Variants in ABR observed in about 807,000 individuals in gnomAD.
ABR encodes ABR activator of RhoGEF and GTPase, also known as active breakpoint cluster region-related protein.
In ABR, 35 loss-of-function variants were observed where a neutral mutation model predicts 107.2. The ratio of observed to expected loss-of-function variants is 0.33; its 90% CI spans 0.25 to 0.43. ABR has a LOEUF of 0.43. ABR is among the 20% of genes least tolerant of loss of function. ABR has a pLI of 1.00. For synonymous variants in ABR, 498 were observed against 462.0 expected (o/e 1.08, Z -1.00); for missense variants, 815 against 1,115.2 (o/e 0.73, Z 3.83).
chr17:1,125,341 C>A lies in ABR; in HGVS notation c.88G>T (p.Asp30Tyr). 1.2e-6 allele frequency: 2 copies of A among 1,613,878 alleles called. No individual in the cohort carries two copies. The highest frequency in any genetic ancestry group is 1.7e-6 in the Non-Finnish European group (2 of 1,179,984). The change falls in exon 2 of 23, where the codon GAC (aspartate) becomes TAC (tyrosine). Residue 30 changes from aspartate to tyrosine, a missense_variant. Around this residue, in one of 5 missense-constraint regions of ABR, gnomAD observed 129 missense variants for 124.8 expected, o/e 1.03. Transcript: ENST00000302538. ...SNFSYGTDEY[D>Y]GEGNEEQKGP... The stretch of plus-strand genomic sequence containing the variant: ...TTCTGCTCCTCATTCCCCTCTCCGT[C>A]GTACTCGTCCGTCCCGTAGCTGAAG...
In ABR at chr17:1,023,037, GCCTCTGCCTGCC is replaced by G. The variant is rs1182908595; in HGVS notation, c.1792-9885_1792-9874del. On this transcript the variant is annotated intron_variant, in intron 16 of 22. Transcript: ENST00000302538. ...CTGCCGGCCCCACGTCCACTGCAGAGCCTCTGCCTGCCCCACGTCCGCTCCAGCGCCTCTGCC... is the reference window on the plus strand; with the variant it reads ...CTGCCGGCCCCACGTCCACTGCAGAGCCACGTCCGCTCCAGCGCCTCTGCC... 6.5e-4 allele frequency among the ~76,000 whole-genome samples: 92 copies of G among 141,852 alleles called. 1 individual carries two copies. The highest frequency in any genetic ancestry group is 2.4e-3 in the African/African-American group (86 of 35,774). 93.1% of individuals were successfully genotyped at this position (141,852 alleles called of 152,430 possible). A position where few individuals can be genotyped will look rare whatever the true frequency, so the allele number is the denominator to read the frequency against.
intron 1 of ABR, chr17:1,228,107 T>C (rs886090014): frequency 2.0e-5 from 3 of 152,222 alleles, no homozygotes; most frequent in African/African-American, 7.2e-5. Context: ...GGACTAGACA[T>C]GGTCTCTGGG....
chr17:1,061,738 G>T (rs1300456389), intron 10 of ABR, among the ~76,000 whole-genome samples: 4 of 151,978 alleles, frequency 2.6e-5, no homozygotes, highest in African/African-American at 7.3e-5. Context: ...ATAGAGACGG[G>T]GCTTCATGAT....
chr17:1,209,931 C>T (rs1255141923), intron 1 of ABR, among the ~76,000 whole-genome samples: 1 of 152,142 alleles, frequency 6.6e-6, no homozygotes, highest in Non-Finnish European at 1.5e-5. Context: ...AGCAAATTTA[C>T]GAATCACAAC....
chr17:1,180,310 G>T (rs1390965335), upstream of ABR, among the ~76,000 whole-genome samples: 2 of 151,950 alleles, frequency 1.3e-5, no homozygotes, highest in Non-Finnish European at 2.9e-5. Context: ...ATCACCTCCC[G>T]CCCGGGATCT....
intron 1 of ABR, among the ~76,000 whole-genome samples, chr17:1,201,577 G>T (rs190665691): frequency 2.6e-5 from 4 of 152,152 alleles, no homozygotes; most frequent in Admixed American, 2.6e-4. Flanking sequence ...CGGCAACCCC[G>T]ATATTGTGCG....
chr17:1,144,974 T>C (rs1156925841), intron 1 of ABR, among the ~76,000 whole-genome samples: 3 of 151,780 alleles, frequency 2.0e-5, no homozygotes, highest in Non-Finnish European at 2.9e-5. Flanking sequence ...GGCCAGATGG[T>C]GCCACGGCAC....
chr17:1,070,691 T>G lies in ABR; in HGVS notation c.895-601A>C, dbSNP rs901306371. On this transcript the variant is annotated intron_variant, in intron 8 of 22. Transcript: ENST00000302538. The surrounding 1 kb of genome is among the most constrained non-coding windows in gnomAD (Gnocchi z 4.2). ...ACTGCAGCAGTGCCCAGAGGGGACC[T>G]GCAGCCAACTCTAACCTGGGCTCTG... Among the ~76,000 whole-genome samples, 1 of 151,982 alleles carries G rather than the reference T, an allele frequency of 6.6e-6. No homozygotes were observed. The highest frequency in any genetic ancestry group is 6.6e-5 in the Admixed American group (1 of 15,262).
intron 16 of ABR, among the ~76,000 whole-genome samples, chr17:1,030,965 G>C (rs2072682777): frequency 6.6e-6 from 1 of 152,220 alleles, no homozygotes; most frequent in South Asian, 2.1e-4. Context: ...CTGCCCAGCT[G>C]CAGGACAGTC....
chr17:1,202,312 G>A (rs985668272), intron 1 of ABR, among the ~76,000 whole-genome samples: 1 of 152,204 alleles, frequency 6.6e-6, no homozygotes, highest in African/African-American at 2.4e-5. Flanking sequence ...ACAGGTGTGA[G>A]ACACCGCACC....
chr17:1,012,694 AC>A lies in ABR; in HGVS notation c.1954del (p.Val652Ter). On this transcript the variant is annotated frameshift_variant, in exon 18 of 23. Coordinates refer to ENST00000302538, the MANE Select transcript of ABR (RefSeq NM_021962.5). LOFTEE classifies it high-confidence loss of function. ...TGVFGVKISV[V>X]TKRERSKVPY... ...GACCCGAGGCAGCACCTACTTCGTC[AC>A]CACGCTGATCTTCACACCGAAGACG... The A allele has an allele frequency of 6.3e-7, 1 of 1,578,378 alleles. No homozygotes were observed. The highest frequency in any genetic ancestry group is 1.8e-5 in the Admixed American group (1 of 54,722).
In ABR at chr17:1,159,670, A is replaced by AATGCGGTACTCACGCACAAGGGAAGT. The variant is rs1567841788; in HGVS notation, c.61+19996_61+19997insACTTCCCTTGTGCGTGAGTACCGCAT. The stretch of plus-strand genomic sequence containing the variant: ...GGTACTCACACACAGGAGAAGTAAG[A>AATGCGGTACTCACGCACAAGGGAAGT]ATGCGGTACTCACACACAGGAGAAG... On this transcript the variant is annotated intron_variant, in intron 1 of 22. Transcript: ENST00000302538. Among the ~76,000 whole-genome samples the AATGCGGTACTCACGCACAAGGGAAGT allele has an allele frequency of 5.7e-3, 177 of 30,958 alleles. 2 individuals are homozygous for AATGCGGTACTCACGCACAAGGGAAGT. The highest frequency in any genetic ancestry group is 8.7e-3 in the East Asian group (9 of 1,032). The allele number at this position is 30,958 out of a possible 152,430, so 20.3% of individuals were successfully genotyped here.
At chr17:1,117,851 G>A (rs144130000) in intron 2 of ABR, among the ~76,000 whole-genome samples, 1 of 83,776 alleles carries the variant, frequency 1.2e-5, no homozygotes, top group East Asian at 2.8e-4. Flanking sequence ...CCCTCCCAGC[G>A]TTATTGCCTG....
At chr17:1,222,238 T>C (rs999094392) in intron 1 of ABR, among the ~76,000 whole-genome samples, 1 of 152,120 alleles carries the variant, frequency 6.6e-6, no homozygotes, top group Non-Finnish European at 1.5e-5. Flanking sequence ...ATAATTTTTG[T>C]ATTTTTAGTA....
chr17:1,005,480 AC>A lies in ABR; in HGVS notation c.*599del, dbSNP rs1343933491. 2.4e-5 allele frequency: 6 copies of A among 254,766 alleles called. No homozygotes were observed. The highest frequency in any genetic ancestry group is 2.2e-4 in the Admixed American group (4 of 18,314). 15.8% of individuals were successfully genotyped at this position (254,766 alleles called of 1,614,324 possible). ...TCTGAGGAGGGGCCGGCAGCGGCAAACGGCAGCATCAAACAGACCACTGCTG... is the reference window on the plus strand; with the variant it reads ...TCTGAGGAGGGGCCGGCAGCGGCAAAGGCAGCATCAAACAGACCACTGCTG... On this transcript the variant is annotated 3_prime_UTR_variant, in exon 23 of 23. Transcript: ENST00000302538.
At chr17:1,018,181 T>C (rs939994644) in intron 16 of ABR, among the ~76,000 whole-genome samples, 7 of 152,254 alleles carry the variant, frequency 4.6e-5, no homozygotes, top group South Asian at 2.1e-4. Flanking sequence ...TAGCTGGGAC[T>C]ACAGGCGCCC....
At chr17:1,007,434 G>T in intron 21 of ABR, 122 bp from the exon 22 acceptor site, 1 of 1,232,882 alleles carries the variant, frequency 8.1e-7, no homozygotes, top group Non-Finnish European at 1.1e-6. Context: ...CCTCGTCTCT[G>T]TCTCCTAGGA....
chr17:1,201,838 G>A (rs1000166725), intron 1 of ABR, among the ~76,000 whole-genome samples: 9 of 152,070 alleles, frequency 5.9e-5, no homozygotes, highest in African/African-American at 9.7e-5. Flanking sequence ...CACCACGCCC[G>A]GCTAATTTTT....
intron 1 of ABR, among the ~76,000 whole-genome samples, chr17:1,219,041 G>A (rs1456846989): frequency 6.2e-5 from 9 of 145,080 alleles, no homozygotes; most frequent in Admixed American, 6.2e-4. Context: ...CTATCTGTTT[G>A]TTTGTTTGTT....
Sources: allele counts gnomAD v4.1 joint callset (sites outside exome capture counted in the v4.1 genomes callset), GRCh38; gene constraint gnomAD v4.1.1; regional missense constraint gnomAD v4.1.1; non-coding constraint Gnocchi (gnomAD v3.1); transcripts MANE v1.5; gene names NCBI Gene and HGNC (gene_info 2026-07-23, HGNC 2026-07-21).